Variants in LMBR1 observed in about 807,000 individuals in gnomAD.
LMBR1 encodes the protein limb development membrane protein 1, also known as limb region 1 protein homolog.
LMBR1 carries 52 observed loss-of-function variants against 73.9 expected under a neutral mutation model. The observed-to-expected ratio is 0.70, with a 90% CI of 0.56 to 0.89. LMBR1 has a LOEUF of 0.89. LMBR1 is among the 40% of genes least tolerant of loss of function. The pLI is 0.00. For missense variants in LMBR1, 539 were observed against 579.8 expected (o/e 0.93, Z 0.72); for synonymous variants, 215 against 209.4 (o/e 1.03, Z -0.23).
At chr7:156,712,864 G>T (rs73163999) in intron 15 of LMBR1, among the ~76,000 whole-genome samples, 11,340 of 152,210 alleles carry the variant, frequency 0.075, 608 homozygotes, top group Admixed American at 0.18. Context: ...AAAGGCAACA[G>T]GGCAGGGGGG....
At chr7:156,858,689 A>C (rs6963567) in intron 1 of LMBR1, among the ~76,000 whole-genome samples, 4,258 of 152,340 alleles carry the variant, frequency 0.028, 207 homozygotes, top group African/African-American at 0.097. Context: ...TGAATCCAAC[A>C]GTATATAAAA....
chr7:156,733,144 T>TAAAA (rs1046967416), intron 10 of LMBR1, among the ~76,000 whole-genome samples: 13 of 151,928 alleles, frequency 8.6e-5, no homozygotes, highest in African/African-American at 3.1e-4. Context: ...GACTCTGTCT[T>TAAAA]AAAAAACAAA....
Position 156,728,641 on chromosome 7 carries a change from T to G in LMBR1, c.915+3A>C. The G allele has an allele frequency of 6.3e-7, 1 of 1,581,106 alleles. No individual in the cohort carries two copies. Among genetic ancestry groups the G allele is most frequent in the East Asian group, 2.3e-5 (1 of 43,934 alleles). ...TTATTTAACTAGGCAAATAAATTCT[T>G]ACTGTCTCAATAAGAAGGAGAACCA... On this transcript the variant is annotated splice_donor_region_variant and intron_variant, in intron 11 of 16. Coordinates refer to ENST00000353442, the MANE Select transcript of LMBR1 (RefSeq NM_022458.4).
Position 156,728,768 on chromosome 7 carries a change from A to AT in LMBR1, c.839-49dup, listed in dbSNP as rs145396576. ...AAAACAAAGTTTTCTCCAAATTAAC[A>AT]TTTTCCTTCCATAATGCTATAATCT... On this transcript the variant is annotated intron_variant, in intron 10 of 16. Coordinates refer to ENST00000353442, the MANE Select transcript of LMBR1 (RefSeq NM_022458.4). The AT allele has an allele frequency of 2.0e-3, 2,669 of 1,303,134 alleles. 53 individuals are homozygous for AT. In the African/African-American group the frequency reaches 0.035, roughly 17 times the overall value. The allele number at this position is 1,303,134 out of a possible 1,614,324, so 80.7% of individuals were successfully genotyped here.
intron 5 of LMBR1, among the ~76,000 whole-genome samples, chr7:156,792,394 T>C (rs140587259): frequency 2.0e-5 from 3 of 152,280 alleles, no homozygotes; most frequent in East Asian, 3.9e-4. Context: ...TCAATACACA[T>C]AGGTGACAGC....
In LMBR1 at chr7:156,684,116, C is replaced by G. The variant is rs775532053; in HGVS notation, c.1435G>C (p.Ala479Pro). Reference sequence around the variant, plus strand: ...TGATGCCCATTTACAGAAGGCTTGGCTGTTTCTGAATCCCTTGAAGTATTT... The same window carrying G: ...TGATGCCCATTTACAGAAGGCTTGGGTGTTTCTGAATCCCTTGAAGTATTT... The part of the protein sequence containing the change: ...LPNTSRDSET[A>P]KPSVNGHQKA... The change falls in exon 17 of 17, where the codon GCC (alanine) becomes CCC (proline). Residue 479 changes from alanine to proline, a missense_variant. By Grantham distance (27) the Ala-to-Pro change is conservative (BLOSUM62 -1). Around this residue, in one of 3 missense-constraint regions of LMBR1, gnomAD observed 69 missense variants for 68.5 expected, o/e 1.01. Transcript: ENST00000353442. The G allele has an allele frequency of 1.9e-6, 3 of 1,614,004 alleles. No individual in the cohort carries two copies. Among genetic ancestry groups the G allele is most frequent in the Non-Finnish European group, 1.7e-6 (2 of 1,179,978 alleles).
At chr7:156,735,256 G>C (rs1008939294) in intron 9 of LMBR1, among the ~76,000 whole-genome samples, 2 of 152,142 alleles carry the variant, frequency 1.3e-5, no homozygotes, top group Non-Finnish European at 2.9e-5. Flanking sequence ...AGCTTTGAAA[G>C]TATCTATTTT....
Position 156,687,274 on chromosome 7 carries a change from T to A in LMBR1, c.1387+756A>T, listed in dbSNP as rs187519483. ...GTAAATGAGCTAATGTCAGGATTTT[T>A]AAAAATTTTCTACAAGAAGTCACTG... On this transcript the variant is annotated intron_variant, in intron 16 of 16. Transcript: ENST00000353442. Among the ~76,000 whole-genome samples the A allele has an allele frequency of 7.9e-5, 12 of 152,328 alleles. No individual in the cohort carries two copies. The East Asian group carries it at 2.1e-3, about 27-fold the overall frequency.
At chr7:156,861,801 A>G (rs1797758703) in intron 1 of LMBR1, among the ~76,000 whole-genome samples, 1 of 152,132 alleles carries the variant, frequency 6.6e-6, no homozygotes, top group Admixed American at 6.5e-5. Context: ...CTAAAACATA[A>G]CAAGAGTCAC....
intron 15 of LMBR1, among the ~76,000 whole-genome samples, chr7:156,713,420 C>T (rs986605018): frequency 6.6e-6 from 1 of 152,168 alleles, no homozygotes; most frequent in South Asian, 2.1e-4. Flanking sequence ...AGTGCAGGTT[C>T]ATCAACTGTA....
In LMBR1 at chr7:156,669,646, G is replaced by T. The variant is rs1802028220; in HGVS notation, n.867-359C>A. Among the ~76,000 whole-genome samples the T allele has an allele frequency of 6.6e-6, 1 of 152,210 alleles. No homozygotes were observed. Among genetic ancestry groups the T allele is most frequent in the African/African-American group, 2.4e-5 (1 of 41,456 alleles). ...GCGACCCACAGCCACGTGAACACTG[G>T]AAACTGCCCTCAGAGCCCCGGGGAT... On this transcript the variant is annotated intron_variant and non_coding_transcript_variant, in intron 4 of 4. Coordinates refer to the LMBR1 transcript ENST00000430825. The surrounding 1 kb of genome is among the most constrained non-coding windows in gnomAD (Gnocchi z 4.2).
chr7:156,817,198 T>C (rs887353249), intron 4 of LMBR1, among the ~76,000 whole-genome samples: 13 of 152,074 alleles, frequency 8.5e-5, no homozygotes, highest in Non-Finnish European at 1.8e-4. Flanking sequence ...AACTACAATA[T>C]ACAATACTAT....
intron 7 of LMBR1, among the ~76,000 whole-genome samples, chr7:156,762,861 G>T (rs1823355578): frequency 6.6e-6 from 1 of 151,992 alleles, no homozygotes. Context: ...GTGTGTGTGT[G>T]TGTGTGTGTG....
intron 1 of LMBR1, among the ~76,000 whole-genome samples, chr7:156,866,895 C>T (rs1563573078): frequency 6.6e-6 from 1 of 152,192 alleles, no homozygotes; most frequent in African/African-American, 2.4e-5. Flanking sequence ...AGCCACTGCG[C>T]CCAGCCTCTT....
At chr7:156,711,822 C>T (rs189910967) in intron 15 of LMBR1, among the ~76,000 whole-genome samples, 1 of 152,256 alleles carries the variant, frequency 6.6e-6, no homozygotes, top group Admixed American at 6.5e-5. Flanking sequence ...AACTGGACCC[C>T]TATCTCTCGC....
intron 1 of LMBR1, among the ~76,000 whole-genome samples, chr7:156,869,627 A>G (rs1439619771): frequency 6.6e-6 from 1 of 152,220 alleles, no homozygotes; most frequent in African/African-American, 2.4e-5. Context: ...CTAACAAAAA[A>G]CAACAAAATG....
intron 4 of LMBR1, among the ~76,000 whole-genome samples, chr7:156,804,878 C>T (rs1278404011): frequency 6.6e-6 from 1 of 152,028 alleles, no homozygotes; most frequent in Non-Finnish European, 1.5e-5. Flanking sequence ...ATGGATTGTG[C>T]TTTCGCTATC....
chr7:156,883,812 C>G (rs976413495), intron 1 of LMBR1, among the ~76,000 whole-genome samples: 1 of 152,124 alleles, frequency 6.6e-6, no homozygotes, highest in Non-Finnish European at 1.5e-5. Flanking sequence ...TGACTCTGAC[C>G]CTCCTGCCTC....
chr7:156,803,909 C>T lies in LMBR1; in HGVS notation c.320-7417G>A, dbSNP rs1459815870. On this transcript the variant is annotated intron_variant, in intron 4 of 16. Transcript: ENST00000353442. Reference sequence around the variant, plus strand: ...ATCGCAAGGACAAAAAACCAAACACCGCATGTTCTCACTCATAGGTGGGAA... The same window carrying T: ...ATCGCAAGGACAAAAAACCAAACACTGCATGTTCTCACTCATAGGTGGGAA... 1.8e-3 allele frequency among the ~76,000 whole-genome samples: 266 copies of T among 148,316 alleles called. 1 individual carries two copies. The highest frequency in any genetic ancestry group is 7.0e-3 in the Middle Eastern group (2 of 286).
Sources: gnomAD v4.1 joint callset for allele counts (sites outside exome capture counted in the v4.1 genomes callset) on GRCh38, gnomAD v4.1.1 for gene constraint, gnomAD v4.1.1 regional missense constraint, Gnocchi (gnomAD v3.1) non-coding constraint, MANE v1.5 for transcripts, NCBI Gene and HGNC (gene_info 2026-07-23, HGNC 2026-07-21) for gene names.